BBS9: variants seen among roughly 807,000 people sequenced by gnomAD.
BBS9 encodes protein PTHB1.
In BBS9, 89 loss-of-function variants were observed where a neutral mutation model predicts 117.7. The ratio of observed to expected loss-of-function variants is 0.76; its 90% CI spans 0.64 to 0.90. The LOEUF is 0.90. Ranked by LOEUF, BBS9 falls within the 40% of genes least tolerant of loss-of-function variation. BBS9 has a pLI of 0.00. For missense variants in BBS9, 982 were observed against 1,042.2 expected, an observed-to-expected ratio of 0.94 and a Z score of 0.80; for synonymous variants, 379 against 370.9, an observed-to-expected ratio of 1.02 and a Z score of -0.25.
chr7:33,193,156 C>A (rs1271701620), intron 5 of BBS9, among the ~76,000 whole-genome samples: 1 of 152,152 alleles, frequency 6.6e-6, no homozygotes, highest in Non-Finnish European at 1.5e-5. Context: ...CACTTGTTAA[C>A]AAACTGCCCC....
At chr7:33,634,389 A>T (rs989561029) in intron 21 of BBS9, among the ~76,000 whole-genome samples, 1 of 152,214 alleles carries the variant, frequency 6.6e-6, no homozygotes, top group African/African-American at 2.4e-5. Flanking sequence ...CACACTATTA[A>T]GCCCTCTGAG....
At position 33,442,066 on chromosome 7, in the gene BBS9, A is replaced by G. The variant is rs537625181; in HGVS notation, c.2115+53922A>G. Among the ~76,000 whole-genome samples, 10 of 151,948 alleles carry G rather than the reference A, an allele frequency of 6.6e-5. No homozygotes were observed. The South Asian group carries it at 2.1e-3, about 32-fold the overall frequency. On this transcript the variant is annotated intron_variant, in intron 19 of 22. Transcript: ENST00000242067. Reference sequence around the variant, plus strand: ...GCCACCATGCCTGGCTAATTTTTGTATTTTTAGTAGAGACAGGGTTTCACC... The same window carrying G: ...GCCACCATGCCTGGCTAATTTTTGTGTTTTTAGTAGAGACAGGGTTTCACC...
At chr7:33,323,438 C>T (rs1015655969) in intron 9 of BBS9, among the ~76,000 whole-genome samples, 2 of 151,968 alleles carry the variant, frequency 1.3e-5, no homozygotes, top group African/African-American at 4.8e-5. Flanking sequence ...TATATATTTA[C>T]AATTTTTATA....
intron 21 of BBS9, among the ~76,000 whole-genome samples, chr7:33,578,411 A>G (rs896297222): frequency 1.3e-5 from 2 of 152,354 alleles, no homozygotes. Flanking sequence ...ATAGTTGTTC[A>G]GCTGTGGTCT....
At chr7:33,545,077 C>T (rs1334674027) in intron 21 of BBS9, among the ~76,000 whole-genome samples, 1 of 152,132 alleles carries the variant, frequency 6.6e-6, no homozygotes, top group African/African-American at 2.4e-5. Context: ...TGTTTCTAGG[C>T]AGAGGGCGAG....
intron 19 of BBS9, among the ~76,000 whole-genome samples, chr7:33,399,834 T>C (rs748355163): frequency 5.3e-5 from 8 of 152,172 alleles, no homozygotes; most frequent in Non-Finnish European, 1.2e-4. Flanking sequence ...TATTATAACA[T>C]TGGAGTTATG....
intron 10 of BBS9, among the ~76,000 whole-genome samples, chr7:33,340,493 T>G (rs1215744579): frequency 6.6e-6 from 1 of 152,152 alleles, no homozygotes; most frequent in Non-Finnish European, 1.5e-5. Flanking sequence ...AGAGACCTCC[T>G]TGGGCATGGT....
chr7:33,411,616 T>G lies in BBS9; in HGVS notation c.2115+23472T>G, dbSNP rs1397934975. On this transcript the variant is annotated intron_variant, in intron 19 of 22. Coordinates refer to ENST00000242067, the MANE Select transcript of BBS9 (RefSeq NM_198428.3). The stretch of plus-strand genomic sequence containing the variant: ...ATGTACTTAATTAAACTTCTATTGA[T>G]TCATCCTAGGAAATACATTTTATGG... Among the ~76,000 whole-genome samples, 9 of 152,292 alleles carry G rather than the reference T, an allele frequency of 5.9e-5. No individual in the cohort carries two copies. In the East Asian group the frequency reaches 1.7e-3, roughly 29 times the overall value.
chr7:33,605,333 G>A lies in BBS9; in HGVS notation c.*107G>A, dbSNP rs568233651. 1.7e-6 allele frequency: 2 copies of A among 1,208,072 alleles called. No individual in the cohort carries two copies. Among genetic ancestry groups the A allele is most frequent in the Admixed American group, 1.7e-5 (1 of 58,908 alleles). The allele number at this position is 1,208,072 out of a possible 1,614,324, so 74.8% of individuals were successfully genotyped here. On this transcript the variant is annotated 3_prime_UTR_variant, in exon 23 of 23. Transcript: ENST00000242067. ...AGGGCTGGCGCAGGTGCTTCCTAAA[G>A]CTCACCTTCCTGGAGATGACATGCA...
rs372107291 is a variant in BBS9, at chr7:33,208,377, T to C, written c.442+30786T>C. 2.0e-5 allele frequency among the ~76,000 whole-genome samples: 3 copies of C among 152,206 alleles called. No individual in the cohort carries two copies. In the South Asian group the frequency reaches 6.2e-4, roughly 31 times the overall value. ...AGCAAATTCCTCTAAGTATTCGTGT[T>C]CCCAGAGGCTGCTACTTCCAGTGCT... On this transcript the variant is annotated intron_variant, in intron 5 of 22. Transcript: ENST00000242067.
intron 5 of BBS9, among the ~76,000 whole-genome samples, chr7:33,233,914 C>T (rs1041136855): frequency 1.3e-5 from 2 of 152,146 alleles, no homozygotes; most frequent in Non-Finnish European, 2.9e-5. Context: ...CTGAGGTCAG[C>T]TGTAGCCCAG....
intron 8 of BBS9, 25 bp downstream of exon 8, chr7:33,273,220 C>A (rs768500683): frequency 5.0e-6 from 8 of 1,611,716 alleles, no homozygotes; most frequent in Non-Finnish European, 6.8e-6. Context: ...TTTCTTTTAT[C>A]TCTTCCATAT....
chr7:33,317,936 C>T (rs930716728), intron 9 of BBS9, among the ~76,000 whole-genome samples: 2 of 152,114 alleles, frequency 1.3e-5, no homozygotes, highest in Non-Finnish European at 2.9e-5. Context: ...TCTGTAATTC[C>T]AGCTACTTGC....
intron 19 of BBS9, among the ~76,000 whole-genome samples, chr7:33,406,589 T>C (rs1363492681): frequency 1.3e-5 from 2 of 152,186 alleles, no homozygotes; most frequent in African/African-American, 2.4e-5. Flanking sequence ...TGCCTTTCCA[T>C]GTTTAGTGCT....
At chr7:33,534,208 A>G in intron 21 of BBS9, 32 bp downstream of exon 21, 3 of 1,591,010 alleles carry the variant, frequency 1.9e-6, no homozygotes, top group Non-Finnish European at 2.6e-6. Context: ...CCTAATCACA[A>G]TTGTACTTCT....
intron 17 of BBS9, among the ~76,000 whole-genome samples, chr7:33,370,090 A>G (rs937738234): frequency 6.6e-6 from 1 of 152,186 alleles, no homozygotes; most frequent in Non-Finnish European, 1.5e-5. Context: ...AACAAGAGAA[A>G]AGTAAGGTGT....
intron 19 of BBS9, among the ~76,000 whole-genome samples, chr7:33,467,031 CTT>C (rs4000119): frequency 0.42 from 46,315 of 109,978 alleles, 7,946 homozygotes; most frequent in African/African-American, 0.55. Flanking sequence ...CTCTCTCTCT[CTT>C]ATGACAACCA....
chr7:33,151,605 A>G (rs1010469079), intron 2 of BBS9, among the ~76,000 whole-genome samples: 3 of 152,034 alleles, frequency 2.0e-5, no homozygotes, highest in Admixed American at 6.5e-5. Flanking sequence ...GCTGGAGTAC[A>G]GTGGCACTGT....
intron 9 of BBS9, among the ~76,000 whole-genome samples, chr7:33,309,145 G>T (rs1447638376): frequency 6.6e-6 from 1 of 152,200 alleles, no homozygotes; most frequent in Non-Finnish European, 1.5e-5. Flanking sequence ...AATCACTGGA[G>T]TAGGGGGTCT....
Sources: gnomAD v4.1 joint callset for allele counts (sites outside exome capture counted in the v4.1 genomes callset) on GRCh38, gnomAD v4.1.1 for gene constraint, MANE v1.5 for transcripts, NCBI Gene and HGNC (gene_info 2026-07-23, HGNC 2026-07-21) for gene names.